CTNND2: variants seen among roughly 807,000 people sequenced by gnomAD.
The protein encoded by CTNND2 is catenin delta 2, also known as catenin delta-2.
A neutral mutation model predicts 144.4 loss-of-function variants in CTNND2; 22 were observed. The ratio of observed to expected loss-of-function variants is 0.15; its 90% confidence interval spans 0.11 to 0.22. The LOEUF is 0.22. CTNND2 is among the 10% of genes least tolerant of loss of function. The pLI is 1.00. For synonymous variants in CTNND2, 751 were observed against 695.6 expected (o/e 1.08, Z -1.25); for missense variants, 1,353 against 1,618.8 (o/e 0.84, Z 2.82).
intron 9 of CTNND2, among the ~76,000 whole-genome samples, chr5:11,289,347 G>A (rs1748074419): frequency 6.6e-6 from 1 of 152,192 alleles, no homozygotes; most frequent in African/African-American, 2.4e-5. Context: ...TATCCCAGTG[G>A]AGGAACAGCT....
intron 1 of CTNND2, among the ~76,000 whole-genome samples, chr5:11,747,296 T>C (rs1788366714): frequency 1.3e-5 from 2 of 152,274 alleles, no homozygotes; most frequent in Middle Eastern, 3.4e-3. Context: ...TGAGCCGAAA[T>C]TGAAATAGGC....
chr5:11,417,986 T>C (rs1406341747), intron 3 of CTNND2, among the ~76,000 whole-genome samples: 2 of 152,088 alleles, frequency 1.3e-5, no homozygotes, highest in African/African-American at 4.8e-5. Context: ...AAAATGCATA[T>C]TATGAAAAAT....
At chr5:11,507,640 G>A (rs59495705) in intron 3 of CTNND2, among the ~76,000 whole-genome samples, 1,998 of 152,256 alleles carry the variant, frequency 0.013, 44 homozygotes, top group African/African-American at 0.045. Context: ...TTTCCTCCAC[G>A]GGTTTCCTCC....
chr5:11,380,043 G>A (rs2113012), intron 7 of CTNND2, among the ~76,000 whole-genome samples: 36,149 of 151,962 alleles, frequency 0.24, 4,732 homozygotes, highest in Admixed American at 0.32. Flanking sequence ...CTCCTTTATA[G>A]CTTTGTTCTG....
In CTNND2 at chr5:11,397,071, C is replaced by G; in HGVS notation, c.572G>C (p.Arg191Pro). The change falls in exon 6 of 22, where the codon CGA becomes CCA. Residue 191 changes from arginine (R) to proline (P), a missense_variant. By Grantham distance (103) the Arg-to-Pro change is moderately radical. Around this residue, in one of 4 missense-constraint regions of CTNND2, gnomAD observed 708 missense variants for 706.4 expected, o/e 1.00. Coordinates refer to ENST00000304623, the MANE Select transcript of CTNND2 (RefSeq NM_001332.4). Reference sequence around the variant, plus strand: ...GCCCGTAGCTCGGGCTTGTGTGCCTCGGGCCGGGAGCTGTGAAGGGGTGGT... The same window carrying G: ...GCCCGTAGCTCGGGCTTGTGTGCCTGGGGCCGGGAGCTGTGAAGGGGTGGT... Reference protein sequence around the residue: ...GETTPSQLPARGTQARATGQS... With the variant: ...GETTPSQLPAPGTQARATGQS... 2 of 1,613,918 alleles carry G rather than the reference C, an allele frequency of 1.2e-6. No homozygotes were observed. Among genetic ancestry groups the G allele is most frequent in the East Asian group, 2.2e-5 (1 of 44,866 alleles).
intron 2 of CTNND2, among the ~76,000 whole-genome samples, chr5:11,719,319 G>A (rs1205195290): frequency 6.6e-6 from 1 of 152,128 alleles, no homozygotes; most frequent in African/African-American, 2.4e-5. Flanking sequence ...CTGTGTCATG[G>A]CAGAAGCCAT....
chr5:11,841,529 T>C (rs1794472135), intron 1 of CTNND2, among the ~76,000 whole-genome samples: 2 of 152,174 alleles, frequency 1.3e-5, no homozygotes, highest in Admixed American at 1.3e-4. Context: ...TTTATTTAGA[T>C]TGAAGTTGAG....
At chr5:11,083,778 T>G in intron 15 of CTNND2, 1 of 463,364 alleles carries the variant, frequency 2.2e-6, no homozygotes, top group Middle Eastern at 1.0e-3. Flanking sequence ...GATTCTGTGG[T>G]AGGGTCCTCC....
intron 2 of CTNND2, among the ~76,000 whole-genome samples, chr5:11,582,633 A>T (rs1466525963): frequency 6.6e-6 from 1 of 152,182 alleles, no homozygotes; most frequent in Admixed American, 6.5e-5. Context: ...TTTCTAAAAT[A>T]ACACCAACAC....
At position 11,056,028 on chromosome 5, in the gene CTNND2, G is replaced by T. The variant is rs770699557; in HGVS notation, c.2788+26668C>A. On this transcript the variant is annotated intron_variant, in intron 16 of 21. Transcript: ENST00000304623. ...TCAGATACACTGACCCATGAGTACT[G>T]AATTCCAACATGAGTAGTTGCAACA... Among the ~76,000 whole-genome samples, 73 of 152,304 alleles carry T rather than the reference G, an allele frequency of 4.8e-4. 1 individual carries two copies. The highest frequency in any genetic ancestry group is 3.4e-3 in the Middle Eastern group (1 of 294).
chr5:11,724,220 T>C (rs185852776), intron 2 of CTNND2, among the ~76,000 whole-genome samples: 1 of 152,264 alleles, frequency 6.6e-6, no homozygotes, highest in Non-Finnish European at 1.5e-5. Flanking sequence ...CCTAGTATGG[T>C]AATTTCTTAT....
chr5:11,246,596 C>T (rs891841203), intron 9 of CTNND2, among the ~76,000 whole-genome samples: 1 of 151,416 alleles, frequency 6.6e-6, no homozygotes, highest in Non-Finnish European at 1.5e-5. Flanking sequence ...GAATCAATTT[C>T]TGTTGTTTTG....
chr5:11,636,073 G>C (rs1239886523), intron 2 of CTNND2, among the ~76,000 whole-genome samples: 1 of 121,458 alleles, frequency 8.2e-6, no homozygotes, highest in Non-Finnish European at 1.6e-5. Context: ...ACAGTAACTT[G>C]AATGGAATTT....
chr5:11,766,816 A>G (rs1789615170), intron 1 of CTNND2, among the ~76,000 whole-genome samples: 1 of 152,166 alleles, frequency 6.6e-6, no homozygotes, highest in Admixed American at 6.5e-5. Context: ...CCCTCCTGAC[A>G]TATGGTAACA....
intron 16 of CTNND2, among the ~76,000 whole-genome samples, chr5:11,062,314 T>G (rs1207838095): frequency 6.6e-6 from 1 of 152,252 alleles, no homozygotes; most frequent in Non-Finnish European, 1.5e-5. Context: ...TTGTTTATAT[T>G]TAATTAGTCC....
chr5:11,239,971 G>A (rs991620236), intron 9 of CTNND2, among the ~76,000 whole-genome samples: 1 of 152,178 alleles, frequency 6.6e-6, no homozygotes, highest in African/African-American at 2.4e-5. Flanking sequence ...CCTGACACCA[G>A]ATGGACTCCA....
chr5:11,106,465 A>G (rs949621853), intron 14 of CTNND2, among the ~76,000 whole-genome samples: 1 of 152,262 alleles, frequency 6.6e-6, no homozygotes, highest in African/African-American at 2.4e-5. Flanking sequence ...GCAAAGTGAC[A>G]TAGAGCAGAC....
At chr5:11,779,720 C>T (rs1210242752) in intron 1 of CTNND2, among the ~76,000 whole-genome samples, 1 of 152,156 alleles carries the variant, frequency 6.6e-6, no homozygotes, top group African/African-American at 2.4e-5. Context: ...ATAACTGCTA[C>T]CTCTTGTGAT....
intron 2 of CTNND2, among the ~76,000 whole-genome samples, chr5:11,723,756 A>T (rs1033521785): frequency 2.6e-5 from 4 of 152,162 alleles, no homozygotes; most frequent in Admixed American, 1.3e-4. Context: ...TGAGAGTTAG[A>T]AAAATATTAC....
Sources: gnomAD v4.1 joint callset for allele counts (sites outside exome capture counted in the v4.1 genomes callset) on GRCh38, gnomAD v4.1.1 for gene constraint, gnomAD v4.1.1 regional missense constraint, MANE v1.5 for transcripts, NCBI Gene and HGNC (gene_info 2026-07-23, HGNC 2026-07-21) for gene names.